The following CAMK4 variants were observed in gnomAD, a reference collection of about 807,000 sequenced individuals.
CAMK4 encodes the protein calcium/calmodulin dependent protein kinase IV.
Under a neutral mutation model 44.9 loss-of-function variants are expected in CAMK4, and 22 were observed. The ratio of observed to expected loss-of-function variants is 0.49; its 90% CI spans 0.35 to 0.70. CAMK4 has a LOEUF of 0.70. Among genes scored for constraint, CAMK4 ranks in the 30% least tolerant of loss-of-function variants. The pLI is 0.01. For synonymous variants in CAMK4, 218 were observed against 215.4 expected (o/e 1.01, Z -0.11); for missense variants, 498 against 586.8 (o/e 0.85, Z 1.56).
chr5:111,261,771 C>G (rs897619545), intron 1 of CAMK4, among the ~76,000 whole-genome samples: 1 of 152,138 alleles, frequency 6.6e-6, no homozygotes, highest in Non-Finnish European at 1.5e-5. Flanking sequence ...GGGGCCCTGC[C>G]TATGACTCAC....
intron 5 of CAMK4, among the ~76,000 whole-genome samples, chr5:111,443,255 TATATATATATATATATATATATATACAC>T (rs930917677): frequency 2.6e-5 from 1 of 38,990 alleles, no homozygotes; most frequent in East Asian, 1.7e-3. Flanking sequence ...TATATATATA[TATATATATATATATATATATATATACAC>T]ACACACACAC....
chr5:111,375,095 A>G (rs1469459024), intron 3 of CAMK4, among the ~76,000 whole-genome samples, 183 bp downstream of exon 3: 3 of 152,178 alleles, frequency 2.0e-5, no homozygotes, highest in Non-Finnish European at 4.4e-5. Flanking sequence ...CTTACAAGTA[A>G]TACCTCTGAA....
chr5:111,308,845 T>C (rs1330868372), intron 1 of CAMK4, among the ~76,000 whole-genome samples: 1 of 152,248 alleles, frequency 6.6e-6, no homozygotes, highest in Non-Finnish European at 1.5e-5. Context: ...TTCAGTAATC[T>C]TAAAATTACA....
intron 1 of CAMK4, among the ~76,000 whole-genome samples, chr5:111,228,849 A>G (rs1362963287): frequency 6.6e-6 from 1 of 152,180 alleles, no homozygotes; most frequent in Non-Finnish European, 1.5e-5. Flanking sequence ...AAAGGCTCCT[A>G]TCTTTGCCTC....
At chr5:111,318,553 A>G (rs1290994531) in intron 1 of CAMK4, among the ~76,000 whole-genome samples, 1 of 152,184 alleles carries the variant, frequency 6.6e-6, no homozygotes, top group East Asian at 1.9e-4. Flanking sequence ...AGGAACTAAC[A>G]GAGTGGAAAT....
chr5:111,427,578 G>A (rs1429974520), intron 5 of CAMK4, among the ~76,000 whole-genome samples: 1 of 152,214 alleles, frequency 6.6e-6, no homozygotes, highest in Non-Finnish European at 1.5e-5. Context: ...ACATAAGTTG[G>A]GCCTTAAGGG....
At chr5:111,240,965 A>G (rs920309109) in intron 1 of CAMK4, among the ~76,000 whole-genome samples, 1 of 152,164 alleles carries the variant, frequency 6.6e-6, no homozygotes, top group Non-Finnish European at 1.5e-5. Context: ...AATCTTTTAA[A>G]TTGTAACAAG....
chr5:111,288,830 A>G (rs1355525699), intron 1 of CAMK4, among the ~76,000 whole-genome samples: 2 of 152,232 alleles, frequency 1.3e-5, no homozygotes, highest in Non-Finnish European at 2.9e-5. Context: ...TAGTTGTGAT[A>G]GATTACTCAG....
intron 7 of CAMK4, among the ~76,000 whole-genome samples, chr5:111,464,558 G>A (rs1754756868): frequency 6.6e-6 from 1 of 152,162 alleles, no homozygotes; most frequent in South Asian, 2.1e-4. Context: ...AGTCAAGACA[G>A]AGGAAATAAT....
chr5:111,346,872 GA>G (rs576070902), intron 2 of CAMK4, among the ~76,000 whole-genome samples: 213 of 150,528 alleles, frequency 1.4e-3, no homozygotes, highest in African/African-American at 5.0e-3. Context: ...CTTGTAGTGA[GA>G]GAAAGTGAGG....
At chr5:111,480,217 C>T (rs1046401507) in intron 9 of CAMK4, among the ~76,000 whole-genome samples, 1 of 148,706 alleles carries the variant, frequency 6.7e-6, no homozygotes, top group Admixed American at 6.8e-5. Flanking sequence ...TTCTTCCTCC[C>T]CACCTTCTTC....
At chr5:111,401,794 A>G (rs1212078027) in intron 5 of CAMK4, among the ~76,000 whole-genome samples, 5 of 152,328 alleles carry the variant, frequency 3.3e-5, no homozygotes, top group South Asian at 2.1e-4. Context: ...GACTGGGGGA[A>G]CAAAATGAAG....
At chr5:111,317,553 C>A (rs544597147) in intron 1 of CAMK4, among the ~76,000 whole-genome samples, 6 of 152,108 alleles carry the variant, frequency 3.9e-5, no homozygotes, top group African/African-American at 1.4e-4. Flanking sequence ...CTATTTTTAA[C>A]ATGTTTCAGA....
At chr5:111,437,686 A>G (rs908862381) in intron 5 of CAMK4, among the ~76,000 whole-genome samples, 8 of 152,196 alleles carry the variant, frequency 5.3e-5, no homozygotes, top group Admixed American at 1.3e-4. Context: ...AAGAAGTGTG[A>G]AAGGGCTCAG....
intron 1 of CAMK4, among the ~76,000 whole-genome samples, chr5:111,324,362 T>A (rs555398699): frequency 6.6e-6 from 1 of 151,976 alleles, no homozygotes; most frequent in African/African-American, 2.4e-5. Flanking sequence ...AAAAGAAATA[T>A]TCAAATTCTA....
At chr5:111,293,433 CTT>C (rs1000264327) in intron 1 of CAMK4, among the ~76,000 whole-genome samples, 2 of 146,650 alleles carry the variant, frequency 1.4e-5, no homozygotes, top group African/African-American at 2.5e-5. Context: ...CGGTGGTCTA[CTT>C]TTTTTTTTTG....
chr5:111,273,718 T>TATAC (rs1325875283), intron 1 of CAMK4, among the ~76,000 whole-genome samples: 22 of 44,778 alleles, frequency 4.9e-4, no homozygotes, highest in Non-Finnish European at 7.4e-4. Flanking sequence ...TATATATATA[T>TATAC]ACACACACAT....
chr5:111,292,262 C>G (rs575355921), intron 1 of CAMK4, among the ~76,000 whole-genome samples: 1 of 152,224 alleles, frequency 6.6e-6, no homozygotes, highest in Non-Finnish European at 1.5e-5. Flanking sequence ...CAGCAACATT[C>G]TATATTGTTA....
intron 5 of CAMK4, among the ~76,000 whole-genome samples, chr5:111,418,233 A>G (rs1458640978): frequency 6.6e-6 from 1 of 152,198 alleles, no homozygotes; most frequent in Non-Finnish European, 1.5e-5. Context: ...AGCTGCAAAA[A>G]CCAGCAAGTT....
Sources: gnomAD v4.1 joint callset for allele counts (sites outside exome capture counted in the v4.1 genomes callset) on GRCh38, gnomAD v4.1.1 for gene constraint, MANE v1.5 for transcripts, NCBI Gene and HGNC (gene_info 2026-07-23, HGNC 2026-07-21) for gene names.